CLASP2: variants seen among roughly 807,000 people sequenced by gnomAD.
CLASP2 encodes CLIP-associating protein 2.
CLASP2 carries 47 observed loss-of-function variants against 194.4 expected under a neutral mutation model. That is an observed-to-expected ratio of 0.24 (90% confidence interval 0.19 to 0.31). The LOEUF (loss-of-function observed/expected upper bound fraction) is 0.31. Ranked by LOEUF, CLASP2 falls within the 10% of genes least tolerant of loss-of-function variation. CLASP2 has a pLI of 1.00. For missense variants in CLASP2, 1,445 were observed against 1,823.6 expected, an observed-to-expected ratio of 0.79 and a Z score of 3.78; for synonymous variants, 619 against 633.5, an observed-to-expected ratio of 0.98 and a Z score of 0.34.
At chr3:33,696,167 T>C (rs917103853) in intron 2 of CLASP2, among the ~76,000 whole-genome samples, 3 of 151,936 alleles carry the variant, frequency 2.0e-5, no homozygotes, top group Non-Finnish European at 2.9e-5. Context: ...TTGTTTTTTT[T>C]TTCATTTAAT....
chr3:33,688,489 TG>T (rs2090972591), intron 3 of CLASP2, 121 bp from the exon 4 acceptor site: 4 of 736,392 alleles, frequency 5.4e-6, no homozygotes, highest in Non-Finnish European at 6.5e-6. Flanking sequence ...ATCAGACTGT[TG>T]TTCATTTCTC....
intron 7 of CLASP2, among the ~76,000 whole-genome samples, chr3:33,660,211 A>G (rs1029591551): frequency 1.3e-5 from 2 of 152,212 alleles, no homozygotes; most frequent in Non-Finnish European, 2.9e-5. Flanking sequence ...AGAAAGCTCC[A>G]TAACGACACC....
chr3:33,560,425 T>A (rs2061631585), intron 28 of CLASP2, among the ~76,000 whole-genome samples: 1 of 152,006 alleles, frequency 6.6e-6, no homozygotes, highest in African/African-American at 2.4e-5. Flanking sequence ...GTATTTTTAG[T>A]AGAGATATGG....
chr3:33,685,196 G>GC (rs2090479705), intron 5 of CLASP2, among the ~76,000 whole-genome samples: 1 of 150,182 alleles, frequency 6.7e-6, no homozygotes. Context: ...CAAAAAATTA[G>GC]CCCAGCGTGG....
At chr3:33,535,898 A>G (rs1361693769) in intron 33 of CLASP2, among the ~76,000 whole-genome samples, 1 of 152,044 alleles carries the variant, frequency 6.6e-6, no homozygotes, top group Non-Finnish European at 1.5e-5. Context: ...AATAAAATCA[A>G]ATTTAAAAAG....
chr3:33,608,635 T>G lies in CLASP2; in HGVS notation c.1389-9A>C, dbSNP rs780206214. The G allele has an allele frequency of 5.3e-5, 84 of 1,586,398 alleles. 1 individual carries two copies. The South Asian group carries it at 9.4e-4, about 18-fold the overall frequency. On this transcript the variant is annotated splice_polypyrimidine_tract_variant and intron_variant, in intron 13 of 38. Transcript: ENST00000682230. ...AAAATTCAAATGAACGTCTGAAAAA[T>G]AAAAGTTGAATGATAACTAAATGTT...
intron 32 of CLASP2, among the ~76,000 whole-genome samples, chr3:33,542,252 A>G (rs2154145041): frequency 6.6e-6 from 1 of 151,472 alleles, no homozygotes; most frequent in African/African-American, 2.4e-5. Flanking sequence ...TTAAGGACCA[A>G]TCTCTCAGTC....
intron 24 of CLASP2, among the ~76,000 whole-genome samples, chr3:33,573,777 A>G (rs540689364): frequency 1.3e-5 from 2 of 152,148 alleles, no homozygotes; most frequent in Non-Finnish European, 2.9e-5. Context: ...AACATTTTCC[A>G]TGTATAAAGT....
intron 29 of CLASP2, chr3:33,558,887 A>G (rs1185696157): frequency 5.6e-6 from 1 of 178,874 alleles, no homozygotes; most frequent in East Asian, 1.7e-4. Flanking sequence ...AAGACTTTAT[A>G]GAGTGAGTTT....
At chr3:33,553,323 T>C (rs2060359838) in intron 29 of CLASP2, among the ~76,000 whole-genome samples, 1 of 152,050 alleles carries the variant, frequency 6.6e-6, no homozygotes, top group Non-Finnish European at 1.5e-5. Context: ...TTTTACACAG[T>C]CAACAAAAGC....
chr3:33,584,718 T>C (rs773016932), intron 22 of CLASP2, 32 bp downstream of exon 22: 3 of 1,503,944 alleles, frequency 2.0e-6, no homozygotes, highest in East Asian at 2.4e-5. Flanking sequence ...AAGGGTTACA[T>C]GTCTCACATA....
intron 8 of CLASP2, among the ~76,000 whole-genome samples, chr3:33,642,942 G>C (rs1241460824): frequency 1.3e-5 from 2 of 151,744 alleles, no homozygotes; most frequent in Non-Finnish European, 3.0e-5. Flanking sequence ...AGGAATGAAG[G>C]CTTCTACCTT....
chr3:33,629,115 AAGTG>A (rs2078590749), intron 9 of CLASP2, among the ~76,000 whole-genome samples: 1 of 152,184 alleles, frequency 6.6e-6, no homozygotes. Context: ...AAGTGGGATG[AAGTG>A]AGTAACAAGT....
intron 37 of CLASP2, chr3:33,503,381 T>A (rs535796891): frequency 6.6e-6 from 1 of 152,172 alleles, no homozygotes; most frequent in South Asian, 2.1e-4. Context: ...TACCTGGGAA[T>A]AGAATAGGTG....
chr3:33,712,588 G>T (rs2093067957), intron 1 of CLASP2, among the ~76,000 whole-genome samples: 1 of 152,100 alleles, frequency 6.6e-6, no homozygotes. Flanking sequence ...ACGTGGGGTG[G>T]TAAAACTCTT....
intron 26 of CLASP2, among the ~76,000 whole-genome samples, chr3:33,570,109 A>G (rs533921797): frequency 6.6e-5 from 10 of 152,194 alleles, no homozygotes; most frequent in Non-Finnish European, 1.5e-4. Flanking sequence ...GTTTTATAAC[A>G]GTACTATGCA....
chr3:33,644,592 A>G (rs957529691), intron 8 of CLASP2, 165 bp downstream of exon 8: 1 of 722,884 alleles, frequency 1.4e-6, no homozygotes, highest in Middle Eastern at 2.4e-4. Context: ...ACAATATTTT[A>G]TACATTTCAA....
chr3:33,578,219 T>C (rs114453114), intron 23 of CLASP2, among the ~76,000 whole-genome samples: 2,934 of 152,290 alleles, frequency 0.019, 53 homozygotes, highest in African/African-American at 0.045. Context: ...TCACATAACA[T>C]AAATTCTGCA....
chr3:33,634,119 G>C (rs1016435124), intron 8 of CLASP2, among the ~76,000 whole-genome samples: 4 of 152,102 alleles, frequency 2.6e-5, no homozygotes, highest in Admixed American at 1.3e-4. Flanking sequence ...ACCTAGAAAG[G>C]AACAACAATT....
Sources: gnomAD v4.1 joint callset for allele counts (sites outside exome capture counted in the v4.1 genomes callset) on GRCh38, gnomAD v4.1.1 for gene constraint, MANE v1.5 for transcripts, NCBI Gene and HGNC (gene_info 2026-07-23, HGNC 2026-07-21) for gene names.